Variants in IKZF5 observed in about 807,000 individuals in gnomAD.
IKZF5 encodes the protein IKAROS family zinc finger 5.
Under a neutral mutation model 30.7 loss-of-function variants are expected in IKZF5, and 4 were observed. That is an observed-to-expected ratio of 0.13 (90% CI 0.06 to 0.30). The LOEUF is 0.30. Among genes scored for constraint, IKZF5 ranks in the 10% least tolerant of loss-of-function variants. The pLI is 1.00. For synonymous variants in IKZF5, 148 were observed against 179.6 expected (o/e 0.82, Z 1.41); for missense variants, 348 against 525.5 (o/e 0.66, Z 3.30).
intron 3 of IKZF5, chr10:122,998,291 C>A: frequency 2.3e-6 from 1 of 441,342 alleles, no homozygotes. Flanking sequence ...CCAACAAGAC[C>A]ATAATGCATC....
chr10:123,004,912 GAAGTA>G (rs1673611079), intron 2 of IKZF5, among the ~76,000 whole-genome samples: 1 of 152,156 alleles, frequency 6.6e-6, no homozygotes, highest in African/African-American at 2.4e-5. Context: ...TGCCTAAAGT[GAAGTA>G]GAGTCTTCGG....
intron 2 of IKZF5, among the ~76,000 whole-genome samples, chr10:123,005,441 T>A (rs1359405075): frequency 6.6e-6 from 1 of 152,242 alleles, no homozygotes; most frequent in Non-Finnish European, 1.5e-5. Context: ...AAAAAATTAC[T>A]TACTTAACAC....
At position 122,998,544 on chromosome 10, in the gene IKZF5, T is replaced by C. The variant is rs1292779367; in HGVS notation, c.82A>G (p.Met28Val). Reference protein sequence around the residue: ...YLTQQTHHVNMISGSVSGDKE... With the variant: ...YLTQQTHHVNVISGSVSGDKE... ...TCCCCACTAACTGATCCAGAAATCA[T>C]GTTCACGTGATGGGTCTGCTGAGTC... The change falls in exon 3 of 5, where the codon ATG becomes GTG. Residue 28 changes from methionine to valine, a missense_variant. Met to Val is a conservative substitution (Grantham distance 21). Around this residue, in one of 4 missense-constraint regions of IKZF5, gnomAD observed 80 missense variants for 93.2 expected, o/e 0.86. Coordinates refer to ENST00000368886, the MANE Select transcript of IKZF5 (RefSeq NM_001372123.1). The C allele has an allele frequency of 6.2e-7, 1 of 1,613,562 alleles. No homozygotes were observed. The highest frequency in any genetic ancestry group is 8.5e-7 in the Non-Finnish European group (1 of 1,179,568).
rs186133018 is a variant in IKZF5 at position 122,998,750 on chromosome 10, T to C, written c.-46-79A>G. 5 of 708,810 alleles carry C rather than the reference T, an allele frequency of 7.1e-6. No homozygotes were observed. The East Asian group carries it at 1.1e-4, about 15-fold the overall frequency. 43.9% of individuals were successfully genotyped at this position (708,810 alleles called of 1,614,324 possible). On this transcript the variant is annotated intron_variant, in intron 2 of 4. Transcript: ENST00000368886. Reference sequence around the variant, plus strand: ...AAAAGCTATTTTGTGCAAGACACTATATAAAGCAAGAGAAAACACAGTGCC... The same window carrying C: ...AAAAGCTATTTTGTGCAAGACACTACATAAAGCAAGAGAAAACACAGTGCC...
At position 122,993,617 on chromosome 10, in the gene IKZF5, T is replaced by TG. The variant is rs1381164813; in HGVS notation, c.*162dup. ...ATAAATGACCCTGACCAGATTTTTA[T>TG]GAAAAAAAGGGGAAATTTTATTCCA... On this transcript the variant is annotated 3_prime_UTR_variant, in exon 5 of 5. Transcript: ENST00000368886. 3 of 504,440 alleles carry TG rather than the reference T, an allele frequency of 5.9e-6. No homozygotes were observed. The highest frequency in any genetic ancestry group is 1.0e-5 in the Non-Finnish European group (3 of 291,630). The allele number at this position is 504,440 out of a possible 1,614,324, so 31.2% of individuals were successfully genotyped here.
intron 2 of IKZF5, among the ~76,000 whole-genome samples, chr10:123,003,243 TG>T (rs376944719): frequency 0.43 from 30,434 of 71,160 alleles, 4,841 homozygotes; most frequent in Non-Finnish European, 0.51. Context: ...CAGACTTTTG[TG>T]GGGGGGGGGG....
Position 122,994,587 on chromosome 10 carries a change from A to G in IKZF5, c.453T>C (p.Ser151=). ...ELCSFRCSDR[S]NLSHHRRRKH... Reference sequence around the variant, plus strand: ...TGCGCCTTCGATGATGGGACAAGTTACTTCGATCACTGCAGCGGAAGGAAC... The same window carrying G: ...TGCGCCTTCGATGATGGGACAAGTTGCTTCGATCACTGCAGCGGAAGGAAC... Residue 151 remains serine (S), a synonymous_variant, in exon 5 of 5, where the codon AGT becomes AGC. Coordinates refer to ENST00000368886, the MANE Select transcript of IKZF5 (RefSeq NM_001372123.1). This position sits in a 1 kb window ranked among gnomAD's most constrained non-coding sequence, Gnocchi z 5.6. The G allele has an allele frequency of 6.2e-7, 1 of 1,614,194 alleles. No individual in the cohort carries two copies. Among genetic ancestry groups the G allele is most frequent in the Non-Finnish European group, 8.5e-7 (1 of 1,180,042 alleles).
chr10:122,994,744 T>C lies in IKZF5; in HGVS notation c.317-21A>G, dbSNP rs1849297432. The C allele has an allele frequency of 1.3e-6, 2 of 1,551,270 alleles. No individual in the cohort carries two copies. Among genetic ancestry groups the C allele is most frequent in the Non-Finnish European group, 1.7e-6 (2 of 1,145,252 alleles). On this transcript the variant is annotated intron_variant, in intron 4 of 4. Transcript: ENST00000368886. This position sits in a 1 kb window ranked among gnomAD's most constrained non-coding sequence, Gnocchi z 5.6. ...TTCACCTGTTTCAAAAGAAAAATGATGGAGAAACTACAAGAGTAGTTCATT... is the reference window on the plus strand; with the variant it reads ...TTCACCTGTTTCAAAAGAAAAATGACGGAGAAACTACAAGAGTAGTTCATT...
chr10:123,008,448 ACAG>A (rs1849903244), intron 1 of IKZF5: 1 of 157,582 alleles, frequency 6.3e-6, no homozygotes, highest in African/African-American at 2.4e-5. Context: ...GAAGGCAATG[ACAG>A]CAGGAGACCC....
intron 2 of IKZF5, among the ~76,000 whole-genome samples, chr10:123,000,898 T>C (rs902303681): frequency 6.6e-6 from 1 of 152,224 alleles, no homozygotes; most frequent in African/African-American, 2.4e-5. Context: ...TATTTTTCTA[T>C]TGTGTTGTCT....
intron 2 of IKZF5, among the ~76,000 whole-genome samples, chr10:123,005,257 A>G (rs1849738953): frequency 6.6e-6 from 1 of 152,238 alleles, no homozygotes; most frequent in Non-Finnish European, 1.5e-5. Context: ...TCAAAGTTTA[A>G]TCTAGGAACT....
At position 122,994,337 on chromosome 10, in the gene IKZF5, G is replaced by C. The variant is rs1278094505; in HGVS notation, c.703C>G (p.Pro235Ala). 6.2e-7 allele frequency: 1 copy of C among 1,614,100 alleles called. No individual in the cohort carries two copies. Residue 235 changes from proline to alanine, a missense_variant, in exon 5 of 5, where the codon CCA (proline) becomes GCA (alanine). Pro to Ala is a conservative substitution (Grantham distance 27). This residue lies in a region of IKZF5 where 176 missense variants were observed against 198.2 expected (regional missense o/e 0.89). Transcript: ENST00000368886. The surrounding 1 kb of genome is among the most constrained non-coding windows in gnomAD (Gnocchi z 5.6). ...DSYESMAKTTPTGGLPRDPQE... is the reference protein window; with the variant it reads ...DSYESMAKTTATGGLPRDPQE... ...GGGTCCCTTGGAAGGCCACCAGTTG[G>C]TGTGGTTTTTGCCATACTTTCATAG...
In IKZF5 at chr10:122,992,940, C is replaced by T. The variant is rs1364892194; in HGVS notation, c.*840G>A. The T allele has an allele frequency of 6.6e-6, 1 of 152,582 alleles. No homozygotes were observed. The highest frequency in any genetic ancestry group is 1.9e-4 in the East Asian group (1 of 5,192). The allele number at this position is 152,582 out of a possible 1,614,324, so 9.5% of individuals were successfully genotyped here. ...TGCATTTTAATAATAAGGATGACTT[C>T]ACTTTATCTCTTTGGTCATCAAAGG... is the stretch of plus-strand genomic sequence containing the variant. On this transcript the variant is annotated 3_prime_UTR_variant, in exon 5 of 5. Coordinates refer to ENST00000368886, the MANE Select transcript of IKZF5 (RefSeq NM_001372123.1).
chr10:122,998,397 C>G (rs148381257), intron 3 of IKZF5, 96 bp downstream of exon 3: 5 of 1,030,268 alleles, frequency 4.9e-6, no homozygotes, highest in Non-Finnish European at 7.0e-6. Context: ...CAGAATGATT[C>G]ACATTAATGC....
In IKZF5 at chr10:122,993,457, A is replaced by C. The variant is rs79118098; in HGVS notation, c.*323T>G. The C allele has an allele frequency of 0.085, 15,577 of 182,710 alleles. 932 individuals are homozygous for C. Among genetic ancestry groups the C allele is most frequent in the Non-Finnish European group, 0.12 (10,687 of 87,896 alleles). 11.3% of individuals were successfully genotyped at this position (182,710 alleles called of 1,614,324 possible). On this transcript the variant is annotated 3_prime_UTR_variant, in exon 5 of 5. Transcript: ENST00000368886. ...TATTGAAACATCAAAAGTATGGATA[A>C]GCCTTGAAGTTTTTATGGACCATAA...
rs1319507351 is a variant in IKZF5, at chr10:122,991,203, G to A, written c.*2577C>T. 1.3e-5 allele frequency: 2 copies of A among 152,018 alleles called. No individual in the cohort carries two copies. The highest frequency in any genetic ancestry group is 2.9e-5 in the Non-Finnish European group (2 of 67,996). The allele number at this position is 152,018 out of a possible 1,614,324, so 9.4% of individuals were successfully genotyped here. A position where few individuals can be genotyped will look rare whatever the true frequency, so the allele number is the denominator to read the frequency against. ...CTTATTTCTAAAATGAAATAGCCCT[G>A]GAAACACCCAGTGGAATTTTTTCAA... is the stretch of plus-strand genomic sequence containing the variant. On this transcript the variant is annotated 3_prime_UTR_variant, in exon 5 of 5. Coordinates refer to ENST00000368886, the MANE Select transcript of IKZF5 (RefSeq NM_001372123.1).
chr10:123,003,381 C>A (rs768525236), intron 2 of IKZF5, among the ~76,000 whole-genome samples: 16 of 151,978 alleles, frequency 1.1e-4, no homozygotes, highest in Non-Finnish European at 1.5e-4. Context: ...AAATACTAAG[C>A]CATTTTATAT....
intron 2 of IKZF5, among the ~76,000 whole-genome samples, chr10:123,003,878 C>T (rs569669018): frequency 6.6e-6 from 1 of 152,220 alleles, no homozygotes; most frequent in African/African-American, 2.4e-5. Context: ...GCTTATTTTA[C>T]TTATAGGCCA....
chr10:123,008,691 T>C lies in IKZF5; in HGVS notation c.-198+3A>G. 2.2e-6 allele frequency: 1 copy of C among 461,414 alleles called. No individual in the cohort carries two copies. Among genetic ancestry groups the C allele is most frequent in the Non-Finnish European group, 4.0e-6 (1 of 248,354 alleles). 28.6% of individuals were successfully genotyped at this position (461,414 alleles called of 1,614,324 possible). A position where few individuals can be genotyped will look rare whatever the true frequency, so the allele number is the denominator to read the frequency against. On this transcript the variant is annotated splice_donor_region_variant and intron_variant, in intron 1 of 4. Coordinates refer to ENST00000368886, the MANE Select transcript of IKZF5 (RefSeq NM_001372123.1). ...CCGTCCGAGCCGGCAGCCTGCTACT[T>C]ACCTCCTGACAACTGCATGGAGTAA... is the stretch of plus-strand genomic sequence containing the variant.
Sources: allele counts gnomAD v4.1 joint callset (sites outside exome capture counted in the v4.1 genomes callset), GRCh38; gene constraint gnomAD v4.1.1; regional missense constraint gnomAD v4.1.1; non-coding constraint Gnocchi (gnomAD v3.1); transcripts MANE v1.5; gene names NCBI Gene and HGNC (gene_info 2026-07-23, HGNC 2026-07-21).